LRRC37A2: variants seen among roughly 807,000 people sequenced by gnomAD.
The protein encoded by LRRC37A2 is leucine rich repeat containing 37 member A2.
In LRRC37A2, 9 loss-of-function variants were observed where a neutral mutation model predicts 68.8. That is an observed-to-expected ratio of 0.13 (90% CI 0.08 to 0.23). The LOEUF (loss-of-function observed/expected upper bound fraction) is 0.23, where lower values mean the gene tolerates loss of function less well. Among genes scored for constraint, LRRC37A2 ranks in the 10% least tolerant of loss-of-function variants. The pLI is 1.00. For synonymous variants in LRRC37A2, 63 were observed against 367.6 expected, an observed-to-expected ratio of 0.17 and a Z score of 9.48; for missense variants, 168 against 950.4, an observed-to-expected ratio of 0.18 and a Z score of 10.82.
the LRRC37A2 span, among the ~76,000 whole-genome samples, chr17:46,438,101 AG>A: frequency 1.4e-5 from 1 of 72,772 alleles, no homozygotes; most frequent in Non-Finnish European, 3.4e-5. Flanking sequence ...GAGATGGGGA[AG>A]ACTCGCTTAA....
chr17:46,920,223 T>C, the LRRC37A2 span, among the ~76,000 whole-genome samples: 1 of 152,226 alleles, frequency 6.6e-6, no homozygotes, highest in Admixed American at 6.5e-5. Flanking sequence ...TGCTATTTTG[T>C]CCATGAACCG....
At chr17:46,748,258 C>A in the LRRC37A2 span, among the ~76,000 whole-genome samples, 9 of 152,092 alleles carry the variant, frequency 5.9e-5, no homozygotes, top group Admixed American at 2.0e-4. Flanking sequence ...ATTACAGGCA[C>A]GTGTCACCAT....
the LRRC37A2 span, among the ~76,000 whole-genome samples, chr17:46,613,200 C>A: frequency 3.0e-5 from 1 of 33,804 alleles, no homozygotes; most frequent in Non-Finnish European, 8.8e-5. Flanking sequence ...ATCACTTGAG[C>A]CTGTGAATTT....
chr17:46,708,821 TA>T, the LRRC37A2 span, among the ~76,000 whole-genome samples: 1,593 of 110,000 alleles, frequency 0.014, 37 homozygotes, highest in African/African-American at 0.053. Context: ...TATATATATA[TA>T]TTTTTTTTTT....
the LRRC37A2 span, among the ~76,000 whole-genome samples, chr17:46,892,801 G>A: frequency 1.3e-5 from 2 of 152,338 alleles, no homozygotes; most frequent in African/African-American, 4.8e-5. Context: ...TTTCATGGTT[G>A]TTCAATCTAG....
chr17:46,787,255 G>A, the LRRC37A2 span, among the ~76,000 whole-genome samples: 161 of 140,834 alleles, frequency 1.1e-3, no homozygotes, highest in African/African-American at 3.7e-3. Context: ...AAGACCTGTT[G>A]AAGAAAAGTC....
At chr17:47,000,091 T>TAAAATAAAATAAAATAAAATAA in the LRRC37A2 span, among the ~76,000 whole-genome samples, 11 of 62,606 alleles carry the variant, frequency 1.8e-4, 1 homozygote, top group African/African-American at 5.7e-4. Flanking sequence ...TAAAATAAAA[T>TAAAATAAAATAAAATAAAATAA]AAAATAAAAT....
At chr17:47,001,588 G>T in the LRRC37A2 span, among the ~76,000 whole-genome samples, 3 of 151,992 alleles carry the variant, frequency 2.0e-5, no homozygotes, top group Non-Finnish European at 4.4e-5. Context: ...TCACAATCAA[G>T]ATAGTGAAGA....
At chr17:46,742,219 C>G in the LRRC37A2 span, among the ~76,000 whole-genome samples, 1 of 152,206 alleles carries the variant, frequency 6.6e-6, no homozygotes, top group Admixed American at 6.5e-5. Context: ...AGATTATTTT[C>G]TTTAAAATTT....
the LRRC37A2 span, among the ~76,000 whole-genome samples, chr17:46,890,000 A>G: frequency 8.5e-5 from 13 of 152,276 alleles, no homozygotes; most frequent in African/African-American, 3.1e-4. Flanking sequence ...TGCAATTACT[A>G]TTATTACCGC....
At chr17:46,777,216 A>AAAAAAG in the LRRC37A2 span, among the ~76,000 whole-genome samples, 26 of 152,332 alleles carry the variant, frequency 1.7e-4, no homozygotes, top group African/African-American at 5.5e-4. Flanking sequence ...TCTCAAAAAA[A>AAAAAAG]AAAAAGAAAA....
chr17:46,823,534 T>C, the LRRC37A2 span, among the ~76,000 whole-genome samples: 2 of 151,942 alleles, frequency 1.3e-5, no homozygotes, highest in South Asian at 2.1e-4. Context: ...CACCTCCCCA[T>C]ATTCAAGTGG....
At chr17:46,732,145 G>A in the LRRC37A2 span, among the ~76,000 whole-genome samples, 3 of 152,136 alleles carry the variant, frequency 2.0e-5, no homozygotes, top group Non-Finnish European at 4.4e-5. Context: ...AAAGTTGTGA[G>A]CATTTTTCTT....
chr17:47,026,850 T>C, the LRRC37A2 span, among the ~76,000 whole-genome samples: 1 of 152,192 alleles, frequency 6.6e-6, no homozygotes, highest in African/African-American at 2.4e-5. Context: ...TTTCTTCTGA[T>C]ATTGAACTGG....
chr17:47,027,445 A>C, the LRRC37A2 span: 3 of 600,350 alleles, frequency 5.0e-6, no homozygotes, highest in Non-Finnish European at 9.2e-6. Flanking sequence ...CCAAACGTTT[A>C]GAGTTGAGAT....
the LRRC37A2 span, among the ~76,000 whole-genome samples, chr17:47,038,495 G>A: frequency 2.7e-4 from 41 of 151,516 alleles, no homozygotes; most frequent in African/African-American, 8.2e-4. Flanking sequence ...CGCACCTGTC[G>A]TCTCAGCTAC....
At chr17:46,969,206 T>C in the LRRC37A2 span, among the ~76,000 whole-genome samples, 24 of 152,334 alleles carry the variant, frequency 1.6e-4, no homozygotes, top group Non-Finnish European at 3.1e-4. Context: ...TCCAGAGCCT[T>C]CTTATGGTCC....
At chr17:46,908,551 C>T in the LRRC37A2 span, among the ~76,000 whole-genome samples, 3 of 152,080 alleles carry the variant, frequency 2.0e-5, no homozygotes, top group Non-Finnish European at 4.4e-5. Flanking sequence ...GGATTTTGCC[C>T]GAGGGGGTGG....
the LRRC37A2 span, chr17:46,768,936 G>C: frequency 7.4e-7 from 1 of 1,344,352 alleles, no homozygotes; most frequent in Non-Finnish European, 1.0e-6. The surrounding 1 kb of genome is among the most constrained non-coding windows in gnomAD (Gnocchi z 5.0). Flanking sequence ...AACTGATGGG[G>C]ACTGAGGCAA....
Sources: gnomAD v4.1 joint callset for allele counts (sites outside exome capture counted in the v4.1 genomes callset) on GRCh38, gnomAD v4.1.1 for gene constraint, Gnocchi (gnomAD v3.1) non-coding constraint, MANE v1.5 for transcripts, NCBI Gene and HGNC (gene_info 2026-07-23, HGNC 2026-07-21) for gene names.